The following COG5 variants were observed in gnomAD, a reference collection of about 807,000 sequenced individuals.
The protein encoded by COG5 is conserved oligomeric Golgi complex subunit 5.
Under a neutral mutation model 110.4 loss-of-function variants are expected in COG5, and 86 were observed. That is an observed-to-expected ratio of 0.78 (90% CI 0.65 to 0.93). The LOEUF (loss-of-function observed/expected upper bound fraction) is 0.93. COG5 is among the 40% of genes least tolerant of loss of function. The pLI is 0.00. For synonymous variants in COG5, 360 were observed against 334.6 expected, an observed-to-expected ratio of 1.08 and a Z score of -0.83; for missense variants, 1,077 against 987.0, an observed-to-expected ratio of 1.09 and a Z score of -1.22.
intron 5 of COG5, among the ~76,000 whole-genome samples, chr7:107,535,699 C>G (rs369356264): frequency 6.6e-6 from 1 of 152,102 alleles, no homozygotes; most frequent in Non-Finnish European, 1.5e-5. Flanking sequence ...CAGGACCAGA[C>G]AGATCAACAG....
At chr7:107,554,402 C>T in intron 2 of COG5, 60 bp from the exon 3 acceptor site, 1 of 1,406,594 alleles carries the variant, frequency 7.1e-7, no homozygotes, top group Non-Finnish European at 1.0e-6. Flanking sequence ...CTTGTAACCA[C>T]AATGTAGAAT....
intron 14 of COG5, 124 bp from the exon 15 acceptor site, chr7:107,258,507 C>T: frequency 1.4e-6 from 1 of 719,606 alleles, no homozygotes; most frequent in East Asian, 2.6e-5. Context: ...AAGTTCATGC[C>T]CCTCTGACAA....
intron 11 of COG5, among the ~76,000 whole-genome samples, chr7:107,313,474 TGAGAAAACA>T (rs1178176421): frequency 1.3e-5 from 2 of 152,162 alleles, no homozygotes; most frequent in African/African-American, 4.8e-5. Context: ...CCTAATAAGC[TGAGAAAACA>T]ACTAATATGT....
At chr7:107,426,958 G>A (rs900183837) in intron 6 of COG5, among the ~76,000 whole-genome samples, 38 of 152,290 alleles carry the variant, frequency 2.5e-4, no homozygotes, top group African/African-American at 8.9e-4. Flanking sequence ...GGAGAAAGAT[G>A]AAGTACTTAA....
chr7:107,542,907 G>C (rs1176160666), intron 5 of COG5, among the ~76,000 whole-genome samples: 2 of 151,256 alleles, frequency 1.3e-5, no homozygotes, highest in African/African-American at 4.9e-5. Flanking sequence ...GGGAGGCGGA[G>C]GCTGCAGTGA....
chr7:107,361,341 A>T (rs1813095583), intron 10 of COG5, among the ~76,000 whole-genome samples: 1 of 152,198 alleles, frequency 6.6e-6, no homozygotes, highest in Non-Finnish European at 1.5e-5. Context: ...TTATGGGAAA[A>T]ATCAATGACC....
At chr7:107,282,355 A>G (rs1385909716) in intron 13 of COG5, among the ~76,000 whole-genome samples, 1 of 152,186 alleles carries the variant, frequency 6.6e-6, no homozygotes, top group Non-Finnish European at 1.5e-5. Context: ...TTCCTCTTTA[A>G]CATTTACATA....
intron 10 of COG5, among the ~76,000 whole-genome samples, chr7:107,358,501 C>T (rs1584724712): frequency 6.6e-6 from 1 of 152,108 alleles, no homozygotes; most frequent in Admixed American, 6.5e-5. Flanking sequence ...TATAAATATA[C>T]GTGCACAAAA....
chr7:107,235,911 A>C (rs1801150943), intron 18 of COG5, among the ~76,000 whole-genome samples: 1 of 152,194 alleles, frequency 6.6e-6, no homozygotes, highest in South Asian at 2.1e-4. Flanking sequence ...CACACACATC[A>C]GATAGCCTGA....
At chr7:107,211,252 C>T (rs1799146972) in intron 19 of COG5, 27 bp from the exon 20 acceptor site, 1 of 1,611,510 alleles carries the variant, frequency 6.2e-7, no homozygotes. Flanking sequence ...GAAGTTATTT[C>T]ACACTGTTCA....
chr7:107,217,996 TA>T (rs1161985106), intron 19 of COG5, among the ~76,000 whole-genome samples: 1 of 151,798 alleles, frequency 6.6e-6, no homozygotes, highest in African/African-American at 2.4e-5. Context: ...ACAGAACTAA[TA>T]AAGGAATAAG....
intron 14 of COG5, among the ~76,000 whole-genome samples, chr7:107,275,348 G>C (rs977385809): frequency 3.3e-5 from 5 of 150,654 alleles, no homozygotes; most frequent in Admixed American, 1.3e-4. Context: ...TGGTGTGTTT[G>C]TATCACAGAG....
chr7:107,421,543 C>G (rs1408343896), intron 6 of COG5, among the ~76,000 whole-genome samples: 2 of 152,174 alleles, frequency 1.3e-5, no homozygotes, highest in Non-Finnish European at 2.9e-5. Context: ...GTAATCCCAG[C>G]ACTTTGGGAG....
intron 10 of COG5, 74 bp from the exon 11 acceptor site, chr7:107,324,595 G>A (rs150756208): frequency 1.5e-5 from 11 of 731,286 alleles, no homozygotes; most frequent in East Asian, 2.7e-5. Flanking sequence ...TGGGTAACAC[G>A]TAACCTTGAA....
intron 12 of COG5, among the ~76,000 whole-genome samples, chr7:107,296,975 G>T (rs796992704): frequency 1.3e-5 from 2 of 152,278 alleles, no homozygotes; most frequent in Non-Finnish European, 2.9e-5. Context: ...TGCTCAAATT[G>T]AAAGTTTAAA....
At chr7:107,537,122 G>T (rs573908773) in intron 5 of COG5, among the ~76,000 whole-genome samples, 13 of 152,220 alleles carry the variant, frequency 8.5e-5, no homozygotes, top group African/African-American at 3.1e-4. Flanking sequence ...TTACACTGTT[G>T]GTGGGAGTGT....
chr7:107,452,071 T>C (rs1795373434), intron 6 of COG5, among the ~76,000 whole-genome samples: 1 of 152,170 alleles, frequency 6.6e-6, no homozygotes. Context: ...GCCCTACTTC[T>C]TTAACCACAT....
chr7:107,494,839 T>C (rs1175237800), intron 6 of COG5, among the ~76,000 whole-genome samples: 8 of 152,106 alleles, frequency 5.3e-5, no homozygotes, highest in Non-Finnish European at 1.2e-4. Context: ...CCAAGTCCCA[T>C]AGATACAGAC....
intron 11 of COG5, among the ~76,000 whole-genome samples, chr7:107,310,210 C>A (rs894535953): frequency 1.3e-5 from 2 of 152,126 alleles, no homozygotes; most frequent in Admixed American, 6.6e-5. Flanking sequence ...GATGTTTCCC[C>A]AGACAATCCA....
Sources: gnomAD v4.1 joint callset for allele counts (sites outside exome capture counted in the v4.1 genomes callset) on GRCh38, gnomAD v4.1.1 for gene constraint, MANE v1.5 for transcripts, NCBI Gene and HGNC (gene_info 2026-07-23, HGNC 2026-07-21) for gene names.